RBM6: variants seen among roughly 807,000 people sequenced by gnomAD.
RBM6 encodes RNA-binding protein 6.
A neutral mutation model predicts 140.4 loss-of-function variants in RBM6; 23 were observed. The observed-to-expected ratio is 0.16, with a 90% confidence interval of 0.12 to 0.23. The LOEUF (loss-of-function observed/expected upper bound fraction) is 0.23, where lower values mean the gene tolerates loss of function less well. Ranked by LOEUF, RBM6 falls within the 10% of genes least tolerant of loss-of-function variation. The pLI, the probability that RBM6 is intolerant of heterozygous loss-of-function variation, is 1.00. For synonymous variants in RBM6, 439 were observed against 475.6 expected, an observed-to-expected ratio of 0.92 and a Z score of 1.00; for missense variants, 1,139 against 1,386.7, an observed-to-expected ratio of 0.82 and a Z score of 2.84.
At chr3:50,044,868 A>G (rs1223603788) in intron 6 of RBM6, among the ~76,000 whole-genome samples, 1 of 152,234 alleles carries the variant, frequency 6.6e-6, no homozygotes, top group Non-Finnish European at 1.5e-5. Flanking sequence ...ACAATTGGCT[A>G]TATTGACCCT....
chr3:50,058,345 C>T, intron 9 of RBM6, 57 bp from the exon 10 acceptor site: 1 of 1,532,796 alleles, frequency 6.5e-7, no homozygotes, highest in Non-Finnish European at 9.0e-7. Context: ...CTTGGGACTT[C>T]AAAAATTTAT....
At chr3:50,002,610 T>A (rs2086391682) in intron 6 of RBM6, among the ~76,000 whole-genome samples, 1 of 152,190 alleles carries the variant, frequency 6.6e-6, no homozygotes, top group Admixed American at 6.5e-5. Flanking sequence ...TTGGCCAGGC[T>A]GGTCTTGAAC....
chr3:50,047,203 A>G (rs1266010471), intron 6 of RBM6: 1 of 985,082 alleles, frequency 1.0e-6, no homozygotes. Context: ...TCAAGCAAGA[A>G]ACTGAGGTCC....
chr3:50,011,792 G>C (rs1366550513), intron 6 of RBM6, among the ~76,000 whole-genome samples: 1 of 150,112 alleles, frequency 6.7e-6, no homozygotes, highest in African/African-American at 2.4e-5. Context: ...TTACCAAGTT[G>C]TAACATTTAT....
chr3:50,045,531 G>A (rs2108871761), intron 6 of RBM6, among the ~76,000 whole-genome samples: 1 of 152,322 alleles, frequency 6.6e-6, no homozygotes, highest in East Asian at 1.9e-4. Context: ...TAGACTGTGA[G>A]ATCTGGACCA....
intron 11 of RBM6, among the ~76,000 whole-genome samples, 169 bp downstream of exon 11, chr3:50,059,915 C>A (rs773718444): frequency 6.6e-6 from 1 of 152,168 alleles, no homozygotes; most frequent in Non-Finnish European, 1.5e-5. Context: ...TCCTGACTCT[C>A]GAATTGTTTT....
At chr3:49,947,081 C>CAAA (rs1186088231) in intron 1 of RBM6, among the ~76,000 whole-genome samples, 1 of 106,030 alleles carries the variant, frequency 9.4e-6, no homozygotes. Flanking sequence ...ACTAAAAATA[C>CAAA]AAAAAAAAAA....
At position 49,968,121 on chromosome 3, in the gene RBM6, A is replaced by G. The variant is rs1345082329; in HGVS notation, c.696A>G (p.Gln232=). The G allele has an allele frequency of 2.5e-6, 4 of 1,614,198 alleles. No individual in the cohort carries two copies. The highest frequency in any genetic ancestry group is 3.3e-5 in the Admixed American group (2 of 60,006). The stretch of plus-strand genomic sequence containing the variant: ...ACTTTAGAGACAAAGACGGAACACA[A>G]GTAGACTTTAGAGGCCGAGGTTCAG... ...DLDFRDKDGT[Q]VDFRGRGSGT... is the part of the protein sequence containing the mutation. Residue 232 remains glutamine (Q), a synonymous_variant, in exon 3 of 21, where the codon CAA becomes CAG. Transcript: ENST00000266022.
At chr3:50,041,377 T>C (rs1484962101) in intron 6 of RBM6, among the ~76,000 whole-genome samples, 2 of 152,228 alleles carry the variant, frequency 1.3e-5, no homozygotes, top group Non-Finnish European at 2.9e-5. Context: ...GGGCATTCTT[T>C]GTACTTCCCT....
At chr3:50,016,616 G>A (rs1240934690) in intron 6 of RBM6, among the ~76,000 whole-genome samples, 2 of 151,352 alleles carry the variant, frequency 1.3e-5, no homozygotes, top group Non-Finnish European at 2.9e-5. Context: ...ACTTGTTACC[G>A]TTCATCTTTT....
chr3:49,995,268 A>G (rs2086030315), intron 5 of RBM6, among the ~76,000 whole-genome samples: 1 of 38,910 alleles, frequency 2.6e-5, no homozygotes, highest in African/African-American at 1.8e-4. Context: ...CATTTGCCTA[A>G]AAAAAAATAT....
chr3:49,977,544 T>G (rs1294299982), intron 5 of RBM6, among the ~76,000 whole-genome samples: 1 of 152,188 alleles, frequency 6.6e-6, no homozygotes, highest in Non-Finnish European at 1.5e-5. Flanking sequence ...TCTCCGTGGT[T>G]TTGTGTATCT....
At chr3:50,057,401 A>C (rs1165857655) in intron 8 of RBM6, among the ~76,000 whole-genome samples, 1 of 152,118 alleles carries the variant, frequency 6.6e-6, no homozygotes, top group African/African-American at 2.4e-5. Context: ...AGCCTGGCCA[A>C]CATGGTGAAA....
At chr3:50,074,873 G>T in intron 19 of RBM6, among the ~76,000 whole-genome samples, 1 of 152,080 alleles carries the variant, frequency 6.6e-6, no homozygotes, top group East Asian at 1.9e-4. Flanking sequence ...GTCAGGTTGG[G>T]CATGGTGGCT....
rs2084567299 is a variant in RBM6, at chr3:49,967,679, A to G, written c.254A>G (p.Tyr85Cys). 3.1e-6 allele frequency: 5 copies of G among 1,614,012 alleles called. No homozygotes were observed. The highest frequency in any genetic ancestry group is 1.3e-5 in the African/African-American group (1 of 74,924). Residue 85 changes from tyrosine (Y) to cysteine (C), a missense_variant, in exon 3 of 21, where the codon TAT (tyrosine) becomes TGT (cysteine). Around this residue, in one of 9 missense-constraint regions of RBM6, gnomAD observed 566 missense variants for 612.7 expected, o/e 0.92. Coordinates refer to ENST00000266022, the MANE Select transcript of RBM6 (RefSeq NM_005777.3). This position sits in a 1 kb window ranked among gnomAD's most constrained non-coding sequence, Gnocchi z 4.0. ...YGARDGPHGD[Y>C]RGGEGPGHDF... is the part of the protein sequence containing the mutation. ...GCTAGAGACGGACCGCATGGTGACT[A>G]TCGAGGAGGGGAGGGACCTGGACAT...
chr3:50,010,318 A>C (rs1215385969), intron 6 of RBM6, among the ~76,000 whole-genome samples: 2 of 152,180 alleles, frequency 1.3e-5, no homozygotes, highest in African/African-American at 2.4e-5. Context: ...TTTCCAAAGG[A>C]AAATATGTAG....
Position 50,077,115 on chromosome 3 carries a change from A to T in RBM6, c.3354A>T (p.Arg1118=). 1 of 1,611,934 alleles carries T rather than the reference A, an allele frequency of 6.2e-7. No individual in the cohort carries two copies. Among genetic ancestry groups the T allele is most frequent in the Non-Finnish European group, 8.5e-7 (1 of 1,179,466 alleles). Reference sequence around the variant, plus strand: ...CTGTTCGAAGAGTCATGTTTGCTCGATATAAAGAACTCGATTAAGAAAGGA... The same window carrying T: ...CTGTTCGAAGAGTCATGTTTGCTCGTTATAAAGAACTCGATTAAGAAAGGA... ...RDAVRRVMFA[R]YKELD Residue 1118 remains arginine, a synonymous_variant, in exon 21 of 21, where the codon CGA becomes CGT. Transcript: ENST00000266022.
At chr3:49,959,854 G>A (rs1452926931) in intron 1 of RBM6, among the ~76,000 whole-genome samples, 2 of 152,186 alleles carry the variant, frequency 1.3e-5, no homozygotes, top group African/African-American at 4.8e-5. Flanking sequence ...TTACAGACAT[G>A]AGCCCCCACG....
At chr3:50,011,068 A>G (rs2086824333) in intron 6 of RBM6, among the ~76,000 whole-genome samples, 1 of 152,018 alleles carries the variant, frequency 6.6e-6, no homozygotes, top group African/African-American at 2.4e-5. Context: ...TGGTCTTAAA[A>G]TGCATCAAGA....
Sources: gnomAD v4.1 joint callset for allele counts (sites outside exome capture counted in the v4.1 genomes callset) on GRCh38, gnomAD v4.1.1 for gene constraint, gnomAD v4.1.1 regional missense constraint, Gnocchi (gnomAD v3.1) non-coding constraint, MANE v1.5 for transcripts, NCBI Gene and HGNC (gene_info 2026-07-23, HGNC 2026-07-21) for gene names.